The following POLDIP2 variants were observed in gnomAD, a reference collection of about 807,000 sequenced individuals.
POLDIP2 encodes DNA polymerase delta interacting protein 2.
A neutral mutation model predicts 52.9 loss-of-function variants in POLDIP2; 32 were observed. The observed-to-expected ratio is 0.61, with a 90% CI of 0.46 to 0.81. POLDIP2 has a LOEUF of 0.81. Among genes scored for constraint, POLDIP2 ranks in the 40% least tolerant of loss-of-function variants. The pLI is 0.00. For synonymous variants in POLDIP2, 183 were observed against 183.0 expected (o/e 1.00, Z 0.00); for missense variants, 371 against 477.3 (o/e 0.78, Z 2.07).
chr17:28,357,159 C>A, intron 1 of POLDIP2, 129 bp downstream of exon 1: 1 of 911,556 alleles, frequency 1.1e-6, no homozygotes, highest in Admixed American at 3.5e-5. Context: ...GCTCCCTGCT[C>A]GGGACCCTCT....
intron 3 of POLDIP2, 124 bp downstream of exon 3, chr17:28,354,364 A>G (rs1907933686): frequency 2.9e-6 from 2 of 693,896 alleles, no homozygotes; most frequent in Non-Finnish European, 5.1e-6. Flanking sequence ...TTAGTCCCAG[A>G]GAAGTACTCT....
At position 28,353,367 on chromosome 17, in the gene POLDIP2, C is replaced by G. The variant is rs782392758; in HGVS notation, c.439-51G>C. ...GAAACCATGTCTCTGCTAAAAAGTA[C>G]AAAAATTAGGCTGGTGTGGTGGCAG... On this transcript the variant is annotated intron_variant, in intron 4 of 10. Coordinates refer to ENST00000540200, the MANE Select transcript of POLDIP2 (RefSeq NM_015584.5). 2.5e-5 allele frequency: 25 copies of G among 1,011,722 alleles called. No individual in the cohort carries two copies. In the South Asian group the frequency reaches 3.4e-4, roughly 14 times the overall value. 62.7% of individuals were successfully genotyped at this position (1,011,722 alleles called of 1,614,324 possible).
chr17:28,351,619 C>T (rs1555579976), intron 7 of POLDIP2, 45 bp downstream of exon 7: 2 of 1,599,734 alleles, frequency 1.3e-6, no homozygotes, highest in Non-Finnish European at 1.7e-6. Flanking sequence ...CACCATACAC[C>T]TTGGGGCCTA....
At chr17:28,350,035 A>C (rs1555579677) in intron 9 of POLDIP2, among the ~76,000 whole-genome samples, 2 of 152,192 alleles carry the variant, frequency 1.3e-5, no homozygotes, top group Non-Finnish European at 2.9e-5. Context: ...CCAGCAGAGG[A>C]TGTAAACATG....
intron 8 of POLDIP2, 41 bp from the exon 9 acceptor site, chr17:28,350,604 T>A (rs1016919348): frequency 2.5e-6 from 4 of 1,601,004 alleles, no homozygotes; most frequent in Non-Finnish European, 3.4e-6. Flanking sequence ...AAAAATAAAA[T>A]TTGGGTAACC....
At chr17:28,357,172 C>T in intron 1 of POLDIP2, 116 bp downstream of exon 1, 1 of 1,000,438 alleles carries the variant, frequency 1.0e-6, no homozygotes, top group Non-Finnish European at 1.4e-6. Flanking sequence ...GACCCTCTCC[C>T]GGGTCAAACT....
intron 10 of POLDIP2, 43 bp from the exon 11 acceptor site, chr17:28,348,274 G>A (rs782794138): frequency 6.0e-6 from 8 of 1,331,962 alleles, no homozygotes; most frequent in Non-Finnish European, 8.6e-6. Context: ...CCAGGGCTGA[G>A]GCCTCCTAAG....
chr17:28,352,800 A>C, intron 6 of POLDIP2, 112 bp downstream of exon 6: 1 of 661,572 alleles, frequency 1.5e-6, no homozygotes, highest in Non-Finnish European at 2.7e-6. Flanking sequence ...GGGCCTCCCA[A>C]AGTGCTGGGA....
chr17:28,354,661 C>T lies in POLDIP2; in HGVS notation c.244-76G>A, dbSNP rs189979365. 397 of 954,856 alleles carry T rather than the reference C, an allele frequency of 4.2e-4. No individual in the cohort carries two copies. The African/African-American group carries it at 6.1e-3, about 15-fold the overall frequency. 59.1% of individuals were successfully genotyped at this position (954,856 alleles called of 1,614,324 possible). A position where few individuals can be genotyped will look rare whatever the true frequency, so the allele number is the denominator to read the frequency against. ...AGGTGGGCCCCAGACCACAAAGCAA[C>T]ACAGGTGGAGGCAACTCCAGCACAA... On this transcript the variant is annotated intron_variant, in intron 2 of 10. Coordinates refer to ENST00000540200, the MANE Select transcript of POLDIP2 (RefSeq NM_015584.5).
At chr17:28,354,411 A>G (rs1907936025) in intron 3 of POLDIP2, 77 bp downstream of exon 3, 3 of 1,011,050 alleles carry the variant, frequency 3.0e-6, no homozygotes, top group Admixed American at 2.0e-5. Context: ...CGCTGTCTTC[A>G]CCCCTAGTAC....
intron 9 of POLDIP2, among the ~76,000 whole-genome samples, chr17:28,349,682 CT>C (rs1426640367): frequency 9.3e-3 from 1 of 108 alleles, no homozygotes; most frequent in Non-Finnish European, 0.019. Context: ...TTCACACATG[CT>C]GGCGGGGACC....
rs782756361 is a variant in POLDIP2, at chr17:28,347,875, TTGG to T, written c.*239_*241del. On this transcript the variant is annotated 3_prime_UTR_variant, in exon 11 of 11. Transcript: ENST00000540200. The stretch of plus-strand genomic sequence containing the variant: ...GCCTGTGGCAGCTGAACACAGTTCC[TTGG>T]TGGAGAGGTTTACTGGAACATGGTG... 4.1e-6 allele frequency: 2 copies of T among 492,340 alleles called. No homozygotes were observed. The highest frequency in any genetic ancestry group is 7.3e-6 in the Non-Finnish European group (2 of 275,144). 30.5% of individuals were successfully genotyped at this position (492,340 alleles called of 1,614,324 possible).
chr17:28,352,237 C>CATTTTTTTTTT (rs1907823122), intron 6 of POLDIP2, among the ~76,000 whole-genome samples: 1 of 87,682 alleles, frequency 1.1e-5, no homozygotes, highest in African/African-American at 4.9e-5. Context: ...GGAATTATTT[C>CATTTTTTTTTT]TTTTTTTTTT....
rs34126265 is a variant in POLDIP2, at chr17:28,352,988, G to C, written c.546C>G (p.Leu182=). The C allele has an allele frequency of 1.3e-3, 1,676 of 1,318,302 alleles. 24 individuals carry two copies. The African/African-American group carries it at 0.022, about 17-fold the overall frequency. The allele number at this position is 1,318,302 out of a possible 1,614,324, so 81.7% of individuals were successfully genotyped here. ...GLDYVSHEDI[L]PYTSTDQVPI... Reference sequence around the variant, plus strand: ...GAACCTGATCAGTGGAGGTGTAGGGGAGGATGTCTTCATGGCTGACATAGT... The same window carrying C: ...GAACCTGATCAGTGGAGGTGTAGGGCAGGATGTCTTCATGGCTGACATAGT... The change falls in exon 6 of 11, where the codon CTC becomes CTG. Residue 182 remains leucine, a synonymous_variant. Transcript: ENST00000540200.
At chr17:28,348,298 C>T in intron 10 of POLDIP2, 67 bp from the exon 11 acceptor site, 1 of 1,017,646 alleles carries the variant, frequency 9.8e-7, no homozygotes, top group Non-Finnish European at 1.5e-6. Flanking sequence ...CTGGATGGCC[C>T]CATGCCCTCA....
At position 28,349,100 on chromosome 17, in the gene POLDIP2, A is replaced by T; in HGVS notation, c.975T>A (p.Ala325=). ...FQYSSHVSLQ[A]SSGHMWGTFR... ...TCACTCACCACATGTGCCCACTGGA[A>T]GCCTGCAGCGAGACGTGGCTGCTAT... The change falls in exon 10 of 11, where the codon GCT becomes GCA. Residue 325 remains alanine (A), a synonymous_variant. Transcript: ENST00000540200. 2.5e-6 allele frequency: 4 copies of T among 1,612,742 alleles called. No individual in the cohort carries two copies. The highest frequency in any genetic ancestry group is 1.7e-6 in the Non-Finnish European group (2 of 1,179,018).
intron 7 of POLDIP2, among the ~76,000 whole-genome samples, chr17:28,351,076 C>G (rs1221397075): frequency 6.6e-6 from 1 of 152,128 alleles, no homozygotes; most frequent in Non-Finnish European, 1.5e-5. Context: ...TTTTCACTGC[C>G]CTCCTCACCA....
At chr17:28,356,822 C>G (rs1908059305) in intron 1 of POLDIP2, among the ~76,000 whole-genome samples, 1 of 152,188 alleles carries the variant, frequency 6.6e-6, no homozygotes, top group Non-Finnish European at 1.5e-5. Context: ...CCCCCTTCCC[C>G]AAGTCACAGA....
At position 28,355,801 on chromosome 17, in the gene POLDIP2, G is replaced by A. The variant is rs782463462; in HGVS notation, c.237C>T (p.Thr79=). The part of the protein sequence containing the change: ...EVPKQNGKYE[T]GQLFLHSIFG... Reference sequence around the variant, plus strand: ...GACCCAGCCCAATACTCACCTGCCCGGTCTCATATTTTCCATTCTGTTTTG... The same window carrying A: ...GACCCAGCCCAATACTCACCTGCCCAGTCTCATATTTTCCATTCTGTTTTG... Residue 79 remains threonine, a synonymous_variant, in exon 2 of 11, where the codon ACC becomes ACT. Coordinates refer to ENST00000540200, the MANE Select transcript of POLDIP2 (RefSeq NM_015584.5). The A allele has an allele frequency of 1.7e-5, 28 of 1,610,556 alleles. No homozygotes were observed. The Middle Eastern group carries it at 4.9e-4, about 28-fold the overall frequency.
Sources: allele counts gnomAD v4.1 joint callset (sites outside exome capture counted in the v4.1 genomes callset), GRCh38; gene constraint gnomAD v4.1.1; transcripts MANE v1.5; gene names NCBI Gene and HGNC (gene_info 2026-07-23, HGNC 2026-07-21).